The following MMP20 variants were observed in gnomAD, a reference collection of about 807,000 sequenced individuals.
MMP20 encodes matrix metallopeptidase 20, also known as matrix metalloproteinase-20.
Under a neutral mutation model 51.8 loss-of-function variants are expected in MMP20, and 50 were observed. That is an observed-to-expected ratio of 0.97 (90% CI 0.77 to 1.22). The LOEUF is 1.22. Ranked by LOEUF, MMP20 falls within the 50% of genes most tolerant of loss-of-function variation. MMP20 has a pLI of 0.00. For synonymous variants in MMP20, 244 were observed against 216.2 expected (o/e 1.13, Z -1.13); for missense variants, 663 against 601.4 (o/e 1.10, Z -1.07).
At chr11:102,595,780 A>G (rs536810484) in intron 6 of MMP20, among the ~76,000 whole-genome samples, 5 of 152,232 alleles carry the variant, frequency 3.3e-5, no homozygotes, top group Non-Finnish European at 7.3e-5. Context: ...TACTGGATTG[A>G]AACTGACAAT....
At chr11:102,600,727 TC>T (rs888363706) in intron 6 of MMP20, among the ~76,000 whole-genome samples, 5 of 152,088 alleles carry the variant, frequency 3.3e-5, no homozygotes, top group Non-Finnish European at 7.4e-5. Flanking sequence ...CCTCCAGTGA[TC>T]CACTCGCCGC....
rs145477636 is a variant in MMP20, at chr11:102,603,856, G to T, written c.953+2679C>A. On this transcript the variant is annotated intron_variant, in intron 6 of 9. Transcript: ENST00000260228. ...ATTGTAGCAGGCCATCTCTCCTGCG[G>T]TCCCTCTGCTGATTTTTCATTTCTA... Among the ~76,000 whole-genome samples the T allele has an allele frequency of 7.6e-3, 1,156 of 152,246 alleles. 25 individuals are homozygous for T. The highest frequency in any genetic ancestry group is 0.026 in the African/African-American group (1,093 of 41,542).
chr11:102,594,496 T>C, intron 7 of MMP20, 125 bp downstream of exon 7: 3 of 1,289,274 alleles, frequency 2.3e-6, no homozygotes, highest in Non-Finnish European at 3.3e-6. Context: ...ATACCCAACC[T>C]GAGGACAAAG....
chr11:102,604,205 CA>C (rs1426224139), intron 6 of MMP20, among the ~76,000 whole-genome samples: 3 of 152,090 alleles, frequency 2.0e-5, no homozygotes, highest in Non-Finnish European at 4.4e-5. Flanking sequence ...CATGCTATTT[CA>C]GTGTCTGGGA....
intron 8 of MMP20, among the ~76,000 whole-genome samples, chr11:102,587,387 A>C (rs931469994): frequency 5.3e-5 from 8 of 152,130 alleles, no homozygotes. Context: ...TATTCTGGGG[A>C]ATGTTCCATG....
rs371200641 is a variant in MMP20, at chr11:102,580,693, G to A, written c.1248-1551C>T. On this transcript the variant is annotated intron_variant, in intron 8 of 9. Transcript: ENST00000260228. ...ATGCAGGGGCCTGCATAACAAACAC[G>A]AGGTTACCTACTTTTCATTTTACTA... Among the ~76,000 whole-genome samples the A allele has an allele frequency of 4.6e-5, 7 of 152,262 alleles. No individual in the cohort carries two copies. The East Asian group carries it at 5.8e-4, about 13-fold the overall frequency.
intron 8 of MMP20, chr11:102,583,668 C>CA (rs879098978): frequency 6.6e-6 from 1 of 152,328 alleles, no homozygotes; most frequent in Admixed American, 6.5e-5. Flanking sequence ...CATTGTTAAG[C>CA]AAGCGATGCA....
At position 102,606,536 on chromosome 11, in the gene MMP20, G is replaced by T. The variant is rs149696445; in HGVS notation, c.952C>A (p.Arg318=). The T allele has an allele frequency of 1.2e-6, 2 of 1,613,706 alleles. No individual in the cohort carries two copies. The highest frequency in any genetic ancestry group is 1.7e-6 in the Non-Finnish European group (2 of 1,179,818). The part of the protein sequence containing the change: ...LGKELLLFKD[R]IFWRRQVHLR... ...GTCGGTGGCGTGTCTGAGGCTTACC[G>T]GTCCTTGAAGAGCAGGAGCTCCTTC... The change falls in exon 6 of 10, where the codon CGG becomes AGG. Residue 318 remains arginine (R), a splice_region_variant and synonymous_variant. Transcript: ENST00000260228.
rs879886796 is a variant in MMP20, at chr11:102,601,127, T to TATCG, written c.953+5407_953+5408insCGAT. On this transcript the variant is annotated intron_variant, in intron 6 of 9. Transcript: ENST00000260228. ...ATGACCACGAAGTGTCGGCTATTCT[T>TATCG]TTTTTTTTTTTTTTTTTTTTTTTGA... 7.4e-3 allele frequency among the ~76,000 whole-genome samples: 236 copies of TATCG among 31,878 alleles called. 12 individuals are homozygous for TATCG. Among genetic ancestry groups the TATCG allele is most frequent in the Middle Eastern group, 0.043 (3 of 70 alleles). The allele number at this position is 31,878 out of a possible 152,430, so 20.9% of individuals were successfully genotyped here.
intron 8 of MMP20, among the ~76,000 whole-genome samples, chr11:102,579,577 G>A (rs1179724158): frequency 1.3e-5 from 2 of 152,148 alleles, no homozygotes; most frequent in Admixed American, 6.5e-5. Context: ...GCCTCCCAAA[G>A]TGCTGGGATT....
chr11:102,582,238 T>C (rs2135928189), intron 8 of MMP20, among the ~76,000 whole-genome samples: 1 of 152,286 alleles, frequency 6.6e-6, no homozygotes, highest in South Asian at 2.1e-4. Flanking sequence ...GTATTTTTGG[T>C]GTTTTGATTG....
At chr11:102,620,994 C>T (rs79160883) in intron 1 of MMP20, among the ~76,000 whole-genome samples, 5,171 of 152,266 alleles carry the variant, frequency 0.034, 210 homozygotes, top group East Asian at 0.18. Flanking sequence ...CTGCTTGAGC[C>T]GGCTGCTCCC....
At chr11:102,613,930 T>G (rs1418579182) in intron 2 of MMP20, among the ~76,000 whole-genome samples, 16 of 152,150 alleles carry the variant, frequency 1.1e-4, no homozygotes, top group Admixed American at 1.0e-3. Flanking sequence ...TGAGCTGACT[T>G]TGTGTGTTGG....
intron 8 of MMP20, among the ~76,000 whole-genome samples, chr11:102,590,268 A>T (rs1202851632): frequency 6.6e-6 from 1 of 152,184 alleles, no homozygotes; most frequent in Non-Finnish European, 1.5e-5. Flanking sequence ...CTAGAAAGAG[A>T]ATAGGAAGGA....
chr11:102,596,319 GA>G (rs1394417368), intron 6 of MMP20, among the ~76,000 whole-genome samples: 1 of 152,184 alleles, frequency 6.6e-6, no homozygotes, highest in African/African-American at 2.4e-5. Context: ...TCATGGTGCA[GA>G]AGGAAAAACA....
At chr11:102,606,498 A>C (rs760362822) in intron 6 of MMP20, 37 bp downstream of exon 6, 1 of 1,613,106 alleles carries the variant, frequency 6.2e-7, no homozygotes, top group African/African-American at 1.3e-5. Flanking sequence ...AGTGGAGATG[A>C]GGCCCAATGA....
intron 6 of MMP20, among the ~76,000 whole-genome samples, chr11:102,596,730 A>T (rs1032159654): frequency 6.6e-6 from 1 of 152,144 alleles, no homozygotes; most frequent in Non-Finnish European, 1.5e-5. Context: ...AGCTGCCTTG[A>T]GGTTAGTCAC....
chr11:102,611,661 G>T, intron 3 of MMP20, 94 bp downstream of exon 3: 1 of 1,467,776 alleles, frequency 6.8e-7, no homozygotes, highest in Non-Finnish European at 9.4e-7. Flanking sequence ...GTGCGAAGGA[G>T]GAGTGTGTGA....
At chr11:102,610,194 C>T (rs1859579637) in intron 3 of MMP20, among the ~76,000 whole-genome samples, 164 bp from the exon 4 acceptor site, 1 of 151,974 alleles carries the variant, frequency 6.6e-6, no homozygotes, top group Admixed American at 6.5e-5. Flanking sequence ...TGAGTAACAG[C>T]CCATTGAAAA....
Sources: gnomAD v4.1 joint callset for allele counts (sites outside exome capture counted in the v4.1 genomes callset) on GRCh38, gnomAD v4.1.1 for gene constraint, MANE v1.5 for transcripts, NCBI Gene and HGNC (gene_info 2026-07-23, HGNC 2026-07-21) for gene names.